Variants in GPC3 observed in about 807,000 individuals in gnomAD.
GPC3 encodes the protein glypican 3.
Under a neutral mutation model 34.4 loss-of-function variants are expected in GPC3, and 3 were observed. That is an observed-to-expected ratio of 0.09 (90% CI 0.04 to 0.23). The LOEUF (loss-of-function observed/expected upper bound fraction) is 0.23. Ranked by LOEUF, GPC3 falls within the 10% of genes least tolerant of loss-of-function variation. The pLI is 1.00. For synonymous variants in GPC3, 177 were observed against 174.0 expected (o/e 1.02, Z -0.13); for missense variants, 351 against 445.6 (o/e 0.79, Z 1.91).
At chrX:133,742,218 G>C (rs2124471835) in intron 3 of GPC3, among the ~76,000 whole-genome samples, 1 of 111,875 alleles carries the variant, frequency 8.9e-6, no homozygotes, top group South Asian at 3.8e-4. Flanking sequence ...GAAGGAAAAG[G>C]GATGGGCTTA....
chrX:133,947,111 A>G (rs1289456624), intron 2 of GPC3, among the ~76,000 whole-genome samples: 2 of 111,791 alleles, frequency 1.8e-5, no homozygotes, highest in African/African-American at 3.3e-5. Flanking sequence ...AAGTAAACAA[A>G]TTCCAGTTTG....
chrX:133,606,483 G>A (rs1228630658), intron 6 of GPC3, among the ~76,000 whole-genome samples: 1 of 111,853 alleles, frequency 8.9e-6, no homozygotes, highest in Non-Finnish European at 1.9e-5. Context: ...GTGTGGTGGA[G>A]TGATCACAGC....
chrX:133,536,798 C>T, intron 7 of GPC3, among the ~76,000 whole-genome samples: 1 of 111,296 alleles, frequency 9.0e-6, no homozygotes, highest in Non-Finnish European at 1.9e-5. Flanking sequence ...ACCTTATATA[C>T]ATTTCCTTGT....
intron 5 of GPC3, among the ~76,000 whole-genome samples, chrX:133,683,559 A>C (rs1024761485): frequency 8.9e-6 from 1 of 112,123 alleles, no homozygotes; most frequent in Non-Finnish European, 1.9e-5. Flanking sequence ...AGAGGCTAGA[A>C]TTGTATACTA....
At chrX:133,713,083 G>T (rs1279354295) in intron 3 of GPC3, among the ~76,000 whole-genome samples, 1 of 111,290 alleles carries the variant, frequency 9.0e-6, no homozygotes, top group Non-Finnish European at 1.9e-5. Context: ...CTTATAAATG[G>T]ACAAATCTAC....
intron 7 of GPC3, among the ~76,000 whole-genome samples, chrX:133,568,082 G>A (rs1277186529): frequency 8.9e-6 from 1 of 111,822 alleles, no homozygotes; most frequent in Non-Finnish European, 1.9e-5. Context: ...AAATCCTCAG[G>A]GAATAATCAG....
chrX:133,641,296 C>T (rs769584539), intron 6 of GPC3, among the ~76,000 whole-genome samples: 24 of 109,359 alleles, frequency 2.2e-4, no homozygotes, highest in Non-Finnish European at 3.4e-4. Context: ...GCCAACATGG[C>T]GAAACCCCGT....
chrX:133,630,264 T>C (rs1161680454), intron 6 of GPC3, among the ~76,000 whole-genome samples: 2 of 111,612 alleles, frequency 1.8e-5, no homozygotes, highest in Non-Finnish European at 3.8e-5. Context: ...AAAGTCATTT[T>C]AAACACTTAG....
At chrX:133,656,372 A>G (rs1002115125) in intron 6 of GPC3, among the ~76,000 whole-genome samples, 5 of 112,206 alleles carry the variant, frequency 4.5e-5, no homozygotes, top group Non-Finnish European at 9.4e-5. Context: ...AGGAAAGTGC[A>G]CAGAGAATGA....
At chrX:133,672,151 G>C (rs1301277794) in intron 5 of GPC3, among the ~76,000 whole-genome samples, 1 of 111,633 alleles carries the variant, frequency 9.0e-6, no homozygotes, top group African/African-American at 3.3e-5. Flanking sequence ...TGTGGCTGTA[G>C]GGAACAGTCC....
At chrX:133,652,531 G>A (rs2070614545) in intron 6 of GPC3, among the ~76,000 whole-genome samples, 1 of 111,684 alleles carries the variant, frequency 9.0e-6, no homozygotes, top group Admixed American at 9.5e-5. Flanking sequence ...TTAGAACTCT[G>A]TTGGAGACAC....
intron 2 of GPC3, among the ~76,000 whole-genome samples, chrX:133,910,433 G>A (rs1329769986): frequency 9.0e-6 from 1 of 111,261 alleles, no homozygotes; most frequent in African/African-American, 3.3e-5. Context: ...AGGCAGACTT[G>A]AGTGCTAGTT....
chrX:133,972,310 A>G (rs2076497030), intron 1 of GPC3, among the ~76,000 whole-genome samples: 1 of 112,659 alleles, frequency 8.9e-6, no homozygotes, highest in South Asian at 3.7e-4. Flanking sequence ...CACTGAGCAC[A>G]GTTCTTCCAC....
At chrX:133,970,819 C>T (rs970869031) in intron 1 of GPC3, among the ~76,000 whole-genome samples, 12 of 111,617 alleles carry the variant, frequency 1.1e-4, no homozygotes, top group African/African-American at 3.9e-4. Flanking sequence ...AAGTGCATAA[C>T]CTAACAACCT....
chrX:133,864,670 C>G (rs759785465), intron 2 of GPC3, among the ~76,000 whole-genome samples: 1 of 112,607 alleles, frequency 8.9e-6, no homozygotes, highest in African/African-American at 3.2e-5. Context: ...CTTGGGAGTA[C>G]AATTCTAAAG....
chrX:133,624,094 T>A (rs2070267183), intron 6 of GPC3, among the ~76,000 whole-genome samples: 1 of 111,926 alleles, frequency 8.9e-6, no homozygotes. Flanking sequence ...GAAATAAAGA[T>A]GTTCTTTGAA....
At chrX:133,692,571 A>G in intron 4 of GPC3, 77 bp from the exon 5 acceptor site, 1 of 923,374 alleles carries the variant, frequency 1.1e-6, no homozygotes, top group Admixed American at 2.3e-5. Context: ...CCTTATCAGC[A>G]TGACAGAAAG....
intron 6 of GPC3, among the ~76,000 whole-genome samples, chrX:133,598,748 T>C (rs1248327961): frequency 8.9e-6 from 1 of 112,119 alleles, no homozygotes; most frequent in African/African-American, 3.2e-5. Context: ...CATCCATTGG[T>C]ATGTTTTGAA....
chrX:133,910,234 G>T (rs2076191486), intron 2 of GPC3, among the ~76,000 whole-genome samples: 1 of 110,677 alleles, frequency 9.0e-6, no homozygotes, highest in Non-Finnish European at 1.9e-5. Flanking sequence ...TGTCTGTTTT[G>T]CACATTACTT....
Sources: allele counts gnomAD v4.1 joint callset (sites outside exome capture counted in the v4.1 genomes callset), GRCh38; gene constraint gnomAD v4.1.1; transcripts MANE v1.5; gene names NCBI Gene and HGNC (gene_info 2026-07-23, HGNC 2026-07-21).